The following LOC128092253 variants were observed in gnomAD, a reference collection of about 807,000 sequenced individuals.
chr6:133,979,099 C>T, the LOC128092253 span, among the ~76,000 whole-genome samples: 2 of 152,150 alleles, frequency 1.3e-5, no homozygotes, highest in South Asian at 4.1e-4. Context: ...AGATTCTGAT[C>T]TTGATAAAAA....
the LOC128092253 span, among the ~76,000 whole-genome samples, chr6:133,974,571 C>T: frequency 6.6e-6 from 1 of 152,252 alleles, no homozygotes; most frequent in African/African-American, 2.4e-5. Context: ...TCGTGATCCA[C>T]TCACCTTGCC....
At chr6:133,965,018 A>C in the LOC128092253 span, among the ~76,000 whole-genome samples, 1 of 152,228 alleles carries the variant, frequency 6.6e-6, no homozygotes, top group Non-Finnish European at 1.5e-5. Context: ...GAAATAAATC[A>C]GAATATAGAG....
At chr6:133,955,243 G>A in the LOC128092253 span, among the ~76,000 whole-genome samples, 1 of 148,462 alleles carries the variant, frequency 6.7e-6, no homozygotes, top group Non-Finnish European at 1.5e-5. Context: ...CTAGTTTGCC[G>A]TTGTCTGTCT....
the LOC128092253 span, among the ~76,000 whole-genome samples, chr6:133,963,052 A>T: frequency 6.6e-6 from 1 of 152,216 alleles, no homozygotes; most frequent in African/African-American, 2.4e-5. Flanking sequence ...GTGCCATTGA[A>T]TTCAGCAATG....
chr6:133,969,494 TTAAC>T, the LOC128092253 span, among the ~76,000 whole-genome samples: 1 of 152,204 alleles, frequency 6.6e-6, no homozygotes. Context: ...AACTTTCTGT[TTAAC>T]TGAATGTAAT....
At chr6:133,970,546 A>G in the LOC128092253 span, among the ~76,000 whole-genome samples, 1 of 152,070 alleles carries the variant, frequency 6.6e-6, no homozygotes. Flanking sequence ...TTAGGCAGAA[A>G]TGTGGAGAGA....
At chr6:133,976,909 C>T in the LOC128092253 span, among the ~76,000 whole-genome samples, 91 of 149,286 alleles carry the variant, frequency 6.1e-4, no homozygotes, top group Non-Finnish European at 1.0e-3. Context: ...CGGAGGTTGC[C>T]GTGAGCCAAG....
chr6:133,963,927 G>C, the LOC128092253 span, among the ~76,000 whole-genome samples: 1 of 151,750 alleles, frequency 6.6e-6, no homozygotes, highest in East Asian at 1.9e-4. Context: ...TGTAGTCGCA[G>C]CTACTCGGGA....
At chr6:133,968,426 G>C in the LOC128092253 span, among the ~76,000 whole-genome samples, 1 of 152,148 alleles carries the variant, frequency 6.6e-6, no homozygotes, top group Admixed American at 6.5e-5. Flanking sequence ...TAAGGTTGTA[G>C]TCAGTAAAAT....
the LOC128092253 span, among the ~76,000 whole-genome samples, chr6:133,960,654 G>A: frequency 6.6e-6 from 1 of 152,068 alleles, no homozygotes; most frequent in Non-Finnish European, 1.5e-5. Flanking sequence ...TGTTTGTCTT[G>A]GTTATATATT....
At chr6:133,971,462 T>TA in the LOC128092253 span, among the ~76,000 whole-genome samples, 2 of 152,236 alleles carry the variant, frequency 1.3e-5, no homozygotes, top group African/African-American at 4.8e-5. Context: ...GTGGTAGTTC[T>TA]ATTTTTAATT....
At chr6:133,977,181 G>A in the LOC128092253 span, among the ~76,000 whole-genome samples, 1 of 151,958 alleles carries the variant, frequency 6.6e-6, no homozygotes, top group African/African-American at 2.4e-5. Flanking sequence ...TTTTATGTAG[G>A]TTGCCTCTTT....
the LOC128092253 span, among the ~76,000 whole-genome samples, chr6:133,961,465 C>CTTTTT: frequency 4.7e-4 from 47 of 100,184 alleles, no homozygotes; most frequent in South Asian, 6.2e-4. Context: ...TTCTTTCTTT[C>CTTTTT]TTTTTTTTTT....
chr6:133,963,901 C>G, the LOC128092253 span, among the ~76,000 whole-genome samples: 2 of 150,884 alleles, frequency 1.3e-5, no homozygotes, highest in Non-Finnish European at 3.0e-5. Context: ...ATTAGCCAGG[C>G]GTGGTGGCGG....
chr6:133,957,747 C>T, the LOC128092253 span, among the ~76,000 whole-genome samples: 1 of 152,214 alleles, frequency 6.6e-6, no homozygotes, highest in Non-Finnish European at 1.5e-5. Context: ...CTGCCCTGAG[C>T]CCCAGTTTCC....
chr6:133,957,791 G>A, the LOC128092253 span, among the ~76,000 whole-genome samples: 6 of 152,188 alleles, frequency 3.9e-5, no homozygotes, highest in Non-Finnish European at 5.9e-5. Flanking sequence ...CTACTACTAC[G>A]TTACAGGGTT....
chr6:133,966,552 C>T, the LOC128092253 span, among the ~76,000 whole-genome samples: 1 of 152,178 alleles, frequency 6.6e-6, no homozygotes, highest in African/African-American at 2.4e-5. Flanking sequence ...AGCTGATTAA[C>T]TGCTCCGTAT....
At chr6:133,963,395 T>C in the LOC128092253 span, among the ~76,000 whole-genome samples, 1 of 152,068 alleles carries the variant, frequency 6.6e-6, no homozygotes, top group East Asian at 1.9e-4. Flanking sequence ...ATCTTCATAG[T>C]TATTATCTTG....
the LOC128092253 span, among the ~76,000 whole-genome samples, chr6:133,970,920 A>C: frequency 6.6e-6 from 1 of 152,212 alleles, no homozygotes; most frequent in Non-Finnish European, 1.5e-5. Context: ...CTGTCACCTC[A>C]TGAATTTATC....
Sources: gnomAD v4.1 joint callset for allele counts (sites outside exome capture counted in the v4.1 genomes callset) on GRCh38, gnomAD v4.1.1 for gene constraint, MANE v1.5 for transcripts.